Variants in PVT1 observed in about 807,000 individuals in gnomAD.
The protein encoded by PVT1 is CXCR4/PVT1 fusion.
In PVT1 at chr8:127,997,060, TG is replaced by T. The variant is rs1157154607; in HGVS notation, n.912+7770del. On this transcript the variant is annotated intron_variant and non_coding_transcript_variant, in intron 4 of 10. Coordinates refer to ENST00000651587, the Ensembl canonical transcript of PVT1. ...TTTGCTTTCGTTTTTTTTTTTTGTT[TG>T]TTTGTTTTTTGATACAGAGTTTCAC... 3.3e-3 allele frequency among the ~76,000 whole-genome samples: 445 copies of T among 133,466 alleles called. 38 individuals are homozygous for T. The highest frequency in any genetic ancestry group is 4.4e-3 in the South Asian group (15 of 3,388). The allele number at this position is 133,466 out of a possible 152,430, so 87.6% of individuals were successfully genotyped here.
At chr8:128,085,747 T>C (rs1814248163) in intron 5 of PVT1, among the ~76,000 whole-genome samples, 1 of 152,232 alleles carries the variant, frequency 6.6e-6, no homozygotes, top group South Asian at 2.1e-4. Context: ...GTAGGACACA[T>C]ACCTGTTTTG....
In PVT1 at chr8:128,043,669, T is replaced by C. The variant is rs2720702; in HGVS notation, n.913-26491T>C. ...CAAGTATTTCAACATCTTAATTTTT[T>C]CAGTCGATAATTATATTTTGGAGAT... On this transcript the variant is annotated intron_variant and non_coding_transcript_variant, in intron 4 of 10. Transcript: ENST00000651587. Among the ~76,000 whole-genome samples the C allele has an allele frequency of 7.4e-4, 112 of 152,226 alleles. 1 individual carries two copies. The East Asian group carries it at 0.02, about 28-fold the overall frequency.
chr8:127,804,276 A>G (rs1251434344), intron 2 of PVT1, among the ~76,000 whole-genome samples: 1 of 152,150 alleles, frequency 6.6e-6, no homozygotes, highest in Non-Finnish European at 1.5e-5. Context: ...CATAAAAAAT[A>G]ATATTTCTTG....
intron 2 of PVT1, among the ~76,000 whole-genome samples, chr8:127,836,792 A>G (rs572569172): frequency 6.6e-6 from 1 of 152,270 alleles, no homozygotes; most frequent in South Asian, 2.1e-4. Flanking sequence ...TCAGCGAGCA[A>G]GAAAGCCTAG....
intron 2 of PVT1, among the ~76,000 whole-genome samples, chr8:127,859,426 A>C (rs1313904106): frequency 6.6e-6 from 1 of 151,984 alleles, no homozygotes; most frequent in Non-Finnish European, 1.5e-5. Context: ...CTGACTCCAA[A>C]CTTGAACTCT....
intron 2 of PVT1, among the ~76,000 whole-genome samples, chr8:127,863,079 T>TTTA (rs71711601): frequency 1.9e-4 from 4 of 21,338 alleles, no homozygotes; most frequent in Admixed American, 1.3e-3. Flanking sequence ...AGTTGCTAGT[T>TTTA]TTATTTATTT....
chr8:127,864,147 G>A (rs1261000092), intron 2 of PVT1, among the ~76,000 whole-genome samples: 1 of 152,202 alleles, frequency 6.6e-6, no homozygotes, highest in Non-Finnish European at 1.5e-5. Context: ...TGCAGGTGGG[G>A]TGTGGTTTGC....
In PVT1 at chr8:127,861,122, T is replaced by C. The variant is rs1025028664; in HGVS notation, n.373-29467T>C. ...TGTTTTTCCTTCTACCCTTCCATGT[T>C]TTTTTCTCCCAACCATTCTTCTGTA... On this transcript the variant is annotated intron_variant and non_coding_transcript_variant, in intron 2 of 10. Transcript: ENST00000651587. 3.3e-5 allele frequency among the ~76,000 whole-genome samples: 5 copies of C among 152,172 alleles called. No individual in the cohort carries two copies. In the East Asian group the frequency reaches 5.8e-4, roughly 18 times the overall value.
intron 4 of PVT1, among the ~76,000 whole-genome samples, chr8:128,010,011 G>C (rs1817294734): frequency 1.3e-5 from 2 of 152,096 alleles, no homozygotes; most frequent in African/African-American, 4.8e-5. Flanking sequence ...AGTTAGAATA[G>C]ATTGACAAGA....
chr8:127,970,776 T>G (rs1816757306), intron 3 of PVT1, among the ~76,000 whole-genome samples: 1 of 151,976 alleles, frequency 6.6e-6, no homozygotes, highest in African/African-American at 2.4e-5. Flanking sequence ...CCAAAGAAAG[T>G]AGGAAACCTC....
chr8:127,923,840 T>G (rs1816093716), intron 3 of PVT1, among the ~76,000 whole-genome samples: 1 of 152,204 alleles, frequency 6.6e-6, no homozygotes, highest in Non-Finnish European at 1.5e-5. Flanking sequence ...GATCCTGGTG[T>G]GCCGCGCTTC....
intron 4 of PVT1, among the ~76,000 whole-genome samples, chr8:128,032,461 C>G (rs1371084149): frequency 1.2e-4 from 18 of 152,222 alleles, no homozygotes; most frequent in Admixed American, 1.2e-3. Context: ...ATCACAGCTA[C>G]CATTCATTGA....
intron 4 of PVT1, among the ~76,000 whole-genome samples, chr8:128,050,459 C>T (rs771538416): frequency 3.3e-5 from 5 of 152,180 alleles, no homozygotes; most frequent in African/African-American, 4.8e-5. Context: ...TGAATGCCTC[C>T]GAGCCTCTTA....
intron 3 of PVT1, among the ~76,000 whole-genome samples, chr8:127,974,615 C>T (rs1256511936): frequency 6.6e-6 from 1 of 152,074 alleles, no homozygotes; most frequent in Non-Finnish European, 1.5e-5. Context: ...GGGGTTTTAC[C>T]GTGTTGGCCA....
chr8:127,907,862 G>T (rs1003864183), intron 3 of PVT1, among the ~76,000 whole-genome samples: 21 of 151,856 alleles, frequency 1.4e-4, no homozygotes, highest in Non-Finnish European at 2.9e-4. Flanking sequence ...TGGGATGGGA[G>T]GGGGGTAGCT....
intron 2 of PVT1, among the ~76,000 whole-genome samples, chr8:127,810,887 T>C (rs1379104631): frequency 6.6e-6 from 1 of 152,136 alleles, no homozygotes; most frequent in Admixed American, 6.6e-5. Flanking sequence ...TCTGAGTGTG[T>C]CGTTCCTGCT....
At position 128,086,209 on chromosome 8, in the gene PVT1, G is replaced by A. The variant is rs1051934103; in HGVS notation, n.1115-10309G>A. 1.3e-4 allele frequency among the ~76,000 whole-genome samples: 20 copies of A among 152,116 alleles called. No homozygotes were observed. The East Asian group carries it at 2.9e-3, about 22-fold the overall frequency. On this transcript the variant is annotated intron_variant and non_coding_transcript_variant, in intron 5 of 10. Coordinates refer to ENST00000651587, the Ensembl canonical transcript of PVT1. ...TGAGAATTTCCTTTTTTTAGGACAC[G>A]AACTAGTAGTTCCTTGAGTATTCCA...
At chr8:128,008,794 C>A (rs1250797799) in intron 4 of PVT1, 2 of 403,286 alleles carry the variant, frequency 5.0e-6, no homozygotes, top group Non-Finnish European at 1.1e-5. Context: ...GCCCACTCAG[C>A]TGATGAGATT....
intron 3 of PVT1, among the ~76,000 whole-genome samples, chr8:127,909,134 G>A (rs1815860200): frequency 2.0e-5 from 3 of 152,184 alleles, no homozygotes; most frequent in Non-Finnish European, 2.9e-5. Flanking sequence ...GCGTTAGTTC[G>A]TATTTACTGA....
Sources: gnomAD v4.1 joint callset for allele counts (sites outside exome capture counted in the v4.1 genomes callset) on GRCh38, gnomAD v4.1.1 for gene constraint, MANE v1.5 for transcripts, NCBI Gene and HGNC (gene_info 2026-07-23, HGNC 2026-07-21) for gene names.